SYT9: variants seen among roughly 807,000 people sequenced by gnomAD.
The protein encoded by SYT9 is synaptotagmin-9.
A neutral mutation model predicts 48.4 loss-of-function variants in SYT9; 22 were observed. The ratio of observed to expected loss-of-function variants is 0.45; its 90% confidence interval spans 0.32 to 0.65. SYT9 has a LOEUF of 0.65. SYT9 is among the 30% of genes least tolerant of loss of function. The probability of loss-of-function intolerance (pLI) is 0.03; values close to 1 mark genes in which losing one functional copy is unlikely to be tolerated. For synonymous variants in SYT9, 265 were observed against 245.0 expected (o/e 1.08, Z -0.76); for missense variants, 577 against 622.0 (o/e 0.93, Z 0.77).
chr11:7,246,523 A>C (rs1378685459), intron 1 of SYT9, among the ~76,000 whole-genome samples: 1 of 152,164 alleles, frequency 6.6e-6, no homozygotes, highest in Non-Finnish European at 1.5e-5. Flanking sequence ...GTACTTTTTA[A>C]TCCTGTGTTC....
At chr11:7,261,389 C>T (rs1312605550) in intron 1 of SYT9, among the ~76,000 whole-genome samples, 4 of 152,044 alleles carry the variant, frequency 2.6e-5, no homozygotes, top group Non-Finnish European at 5.9e-5. Flanking sequence ...TATTTGCTCA[C>T]CATATATTTA....
intron 1 of SYT9, among the ~76,000 whole-genome samples, chr11:7,243,950 T>TG (rs577838997): frequency 1.1e-3 from 172 of 152,238 alleles, no homozygotes; most frequent in African/African-American, 4.0e-3. Context: ...AGCATTTTTT[T>TG]TTTTTTAAAT....
chr11:7,400,331 A>G (rs1331722944), intron 3 of SYT9, among the ~76,000 whole-genome samples: 2 of 152,224 alleles, frequency 1.3e-5, no homozygotes, highest in Non-Finnish European at 2.9e-5. Flanking sequence ...GAAGTATTCC[A>G]TATGTCAAGT....
intron 1 of SYT9, among the ~76,000 whole-genome samples, chr11:7,265,356 G>A (rs992869021): frequency 2.0e-5 from 3 of 152,092 alleles, no homozygotes. Context: ...GAATGTCAAG[G>A]CCCCTTGCAA....
At chr11:7,360,369 T>G (rs1167587152) in intron 3 of SYT9, among the ~76,000 whole-genome samples, 1 of 150,100 alleles carries the variant, frequency 6.7e-6, no homozygotes, top group Non-Finnish European at 1.5e-5. Flanking sequence ...TTTAAAGTAG[T>G]TTTTTCCAAT....
At chr11:7,385,544 G>A (rs1850642137) in intron 3 of SYT9, among the ~76,000 whole-genome samples, 1 of 151,970 alleles carries the variant, frequency 6.6e-6, no homozygotes, top group Admixed American at 6.6e-5. Flanking sequence ...ACTGCCTGCT[G>A]GGTACTATGC....
intron 3 of SYT9, among the ~76,000 whole-genome samples, chr11:7,415,330 C>A (rs932593373): frequency 6.6e-6 from 1 of 152,048 alleles, no homozygotes; most frequent in Non-Finnish European, 1.5e-5. Flanking sequence ...TGGAGCTATG[C>A]GATAGACTGT....
rs186063277 is a variant in SYT9, at chr11:7,336,831, G to C, written c.1044+22890G>C. Among the ~76,000 whole-genome samples the C allele has an allele frequency of 1.4e-3, 218 of 152,110 alleles. 2 individuals are homozygous for C. The highest frequency in any genetic ancestry group is 2.2e-3 in the Admixed American group (33 of 15,270). ...TTGCTTAGAATTGCCCTGGCTATTC[G>C]AGCTCTTTTTGGTTCCATATGAATT... On this transcript the variant is annotated intron_variant, in intron 3 of 6. Transcript: ENST00000318881.
chr11:7,417,094 A>C (rs1653184779), intron 4 of SYT9, among the ~76,000 whole-genome samples: 1 of 151,976 alleles, frequency 6.6e-6, no homozygotes, highest in African/African-American at 2.4e-5. Flanking sequence ...CACCCAGTAC[A>C]CCCTGGCTTA....
chr11:7,391,446 C>G (rs11041344), intron 3 of SYT9, among the ~76,000 whole-genome samples: 1 of 152,106 alleles, frequency 6.6e-6, no homozygotes, highest in Non-Finnish European at 1.5e-5. Flanking sequence ...ATTCCCTTTT[C>G]TCTGCAGCCT....
At chr11:7,243,671 G>A (rs1041209781) in intron 1 of SYT9, among the ~76,000 whole-genome samples, 7 of 152,148 alleles carry the variant, frequency 4.6e-5, no homozygotes, top group African/African-American at 1.4e-4. Flanking sequence ...AGTGTCAGTC[G>A]ACCTGCTCCA....
At chr11:7,426,103 G>A (rs1847451823) in intron 6 of SYT9, among the ~76,000 whole-genome samples, 1 of 152,096 alleles carries the variant, frequency 6.6e-6, no homozygotes, top group Non-Finnish European at 1.5e-5. Context: ...GTCTCTTTGG[G>A]ATAATTATTT....
chr11:7,324,087 T>A (rs991865374), intron 3 of SYT9, among the ~76,000 whole-genome samples: 12 of 152,024 alleles, frequency 7.9e-5, no homozygotes, highest in African/African-American at 2.7e-4. Flanking sequence ...TAGGGGAAAT[T>A]AATTCAATTT....
chr11:7,271,660 TCCACCTCCTGGGTTCATG>T (rs1014809928), intron 1 of SYT9, among the ~76,000 whole-genome samples: 2 of 152,170 alleles, frequency 1.3e-5, no homozygotes, highest in African/African-American at 4.8e-5. Flanking sequence ...CACTGCAAGC[TCCACCTCCTGGGTTCATG>T]CCATTCTCCT....
chr11:7,259,754 C>T (rs762034702), intron 1 of SYT9, among the ~76,000 whole-genome samples: 23 of 151,980 alleles, frequency 1.5e-4, no homozygotes, highest in Admixed American at 5.2e-4. Context: ...TTTTTTTCTA[C>T]CAATTTCCAT....
intron 6 of SYT9, among the ~76,000 whole-genome samples, chr11:7,421,961 G>A (rs1847364539): frequency 6.6e-6 from 1 of 152,200 alleles, no homozygotes; most frequent in Non-Finnish European, 1.5e-5. Flanking sequence ...AATAAGTAAA[G>A]AGAACTGAGC....
rs186874043 is a variant in SYT9 at position 7,440,379 on chromosome 11, T to G, written c.1467+19744T>G. The G allele has an allele frequency of 1.1e-3, 162 of 152,272 alleles. 1 individual carries two copies. The highest frequency in any genetic ancestry group is 3.5e-3 in the African/African-American group (144 of 41,544). The allele number at this position is 152,272 out of a possible 1,614,324, so 9.4% of individuals were successfully genotyped here. A position where few individuals can be genotyped will look rare whatever the true frequency, so the allele number is the denominator to read the frequency against. ...ACAAATGAGGAGGACCCCCGCTCAC[T>G]TAAGTGTAAAAAAAATGCTGTGTTT... is the stretch of plus-strand genomic sequence containing the variant. On this transcript the variant is annotated intron_variant, in intron 6 of 6. Coordinates refer to ENST00000318881, the MANE Select transcript of SYT9 (RefSeq NM_175733.4).
At chr11:7,432,463 C>T (rs56129771) in intron 6 of SYT9, among the ~76,000 whole-genome samples, 55,529 of 145,090 alleles carry the variant, frequency 0.38, 10,478 homozygotes, top group Middle Eastern at 0.52. Flanking sequence ...AGGAGAATAG[C>T]TTGAACGTGG....
At chr11:7,384,062 C>CCACACACA (rs3086255) in intron 3 of SYT9, among the ~76,000 whole-genome samples, 2 of 149,516 alleles carry the variant, frequency 1.3e-5, no homozygotes, top group South Asian at 2.1e-4. Flanking sequence ...AATTCACTAG[C>CCACACACA]CACACACACA....
Sources: allele counts gnomAD v4.1 joint callset (sites outside exome capture counted in the v4.1 genomes callset), GRCh38; gene constraint gnomAD v4.1.1; transcripts MANE v1.5; gene names NCBI Gene and HGNC (gene_info 2026-07-23, HGNC 2026-07-21).